Variants in ROBO2 observed in about 807,000 individuals in gnomAD.
The protein encoded by ROBO2 is roundabout guidance receptor 2.
ROBO2 carries 53 observed loss-of-function variants against 160.8 expected under a neutral mutation model. The observed-to-expected ratio is 0.33, with a 90% CI of 0.26 to 0.41. The LOEUF (loss-of-function observed/expected upper bound fraction) is 0.41, where lower values mean the gene tolerates loss of function less well. Among genes scored for constraint, ROBO2 ranks in the 10% least tolerant of loss-of-function variants. The pLI, the probability that ROBO2 is intolerant of heterozygous loss-of-function variation, is 1.00. For synonymous variants in ROBO2, 664 were observed against 611.7 expected, an observed-to-expected ratio of 1.09 and a Z score of -1.26; for missense variants, 1,577 against 1,722.4, an observed-to-expected ratio of 0.92 and a Z score of 1.49.
intron 2 of ROBO2, among the ~76,000 whole-genome samples, chr3:76,285,322 T>A (rs943157139): frequency 6.6e-6 from 1 of 152,120 alleles, no homozygotes; most frequent in African/African-American, 2.4e-5. Flanking sequence ...TAAGCTTAAG[T>A]GCATCAACTC....
intron 2 of ROBO2, among the ~76,000 whole-genome samples, chr3:77,399,767 G>A (rs1310562573): frequency 6.6e-6 from 1 of 152,098 alleles, no homozygotes; most frequent in Non-Finnish European, 1.5e-5. Context: ...TAGCCAGGAA[G>A]CAAGCTATCT....
intron 2 of ROBO2, among the ~76,000 whole-genome samples, chr3:76,042,027 TAA>T (rs36067726): frequency 0.6 from 86,070 of 142,858 alleles, 26,750 homozygotes; most frequent in African/African-American, 0.8. Flanking sequence ...AGAGAGAGGT[TAA>T]AAAAAAAAAA....
chr3:76,408,732 G>C (rs1218080024), intron 2 of ROBO2, among the ~76,000 whole-genome samples: 1 of 152,024 alleles, frequency 6.6e-6, no homozygotes, highest in East Asian at 1.9e-4. Flanking sequence ...GAAAATAAAA[G>C]ATAGATAAAA....
chr3:76,416,154 T>C (rs1036721729), intron 2 of ROBO2, among the ~76,000 whole-genome samples: 1 of 152,052 alleles, frequency 6.6e-6, no homozygotes, highest in Non-Finnish European at 1.5e-5. Flanking sequence ...ACATGTTCTG[T>C]GGTTTTAAAA....
chr3:77,287,948 T>C (rs1471704100), intron 2 of ROBO2, among the ~76,000 whole-genome samples: 1 of 152,194 alleles, frequency 6.6e-6, no homozygotes, highest in Non-Finnish European at 1.5e-5. Flanking sequence ...ATATTATGTA[T>C]AAAATTGGCA....
chr3:76,857,613 G>T (rs1037988196), intron 2 of ROBO2, among the ~76,000 whole-genome samples: 3 of 152,066 alleles, frequency 2.0e-5, no homozygotes, highest in African/African-American at 7.2e-5. Context: ...ACACGTTTTT[G>T]CTGTGATGGT....
chr3:76,207,856 C>T (rs1702906040), intron 2 of ROBO2, among the ~76,000 whole-genome samples: 1 of 152,096 alleles, frequency 6.6e-6, no homozygotes, highest in East Asian at 1.9e-4. Context: ...AGATCTGTGT[C>T]CCCACCCAAA....
At chr3:76,435,414 G>A in intron 2 of ROBO2, 2 of 777,396 alleles carry the variant, frequency 2.6e-6, no homozygotes, top group South Asian at 2.7e-5. Context: ...CACAGTGACA[G>A]AAATTGCTGG....
chr3:76,137,470 A>G (rs2071473578), intron 2 of ROBO2, among the ~76,000 whole-genome samples: 1 of 152,052 alleles, frequency 6.6e-6, no homozygotes, highest in African/African-American at 2.4e-5. Flanking sequence ...GTAATAATTC[A>G]GATGATTCTG....
intron 2 of ROBO2, among the ~76,000 whole-genome samples, chr3:76,322,670 A>G (rs2072665739): frequency 6.6e-6 from 1 of 152,170 alleles, no homozygotes; most frequent in African/African-American, 2.4e-5. Flanking sequence ...AGTTACCGGA[A>G]GTCAGTTTTT....
At chr3:76,976,899 C>T (rs2059841509) in intron 2 of ROBO2, among the ~76,000 whole-genome samples, 1 of 144,612 alleles carries the variant, frequency 6.9e-6, no homozygotes, top group Non-Finnish European at 1.5e-5. Flanking sequence ...CAAAGCCTAA[C>T]AAATTATTAA....
intron 1 of ROBO2, among the ~76,000 whole-genome samples, chr3:75,923,403 C>G (rs1053482497): frequency 9.2e-5 from 14 of 152,172 alleles, no homozygotes; most frequent in African/African-American, 2.7e-4. Context: ...GGCAGACACC[C>G]TACTATTCCC....
chr3:76,798,166 G>GA (rs767202525), intron 2 of ROBO2, among the ~76,000 whole-genome samples: 1 of 127,092 alleles, frequency 7.9e-6, no homozygotes, highest in Non-Finnish European at 1.7e-5. Context: ...AAGAAAGAAA[G>GA]AAAGGGAGAG....
intron 2 of ROBO2, among the ~76,000 whole-genome samples, chr3:77,348,700 A>T (rs1179185489): frequency 1.3e-5 from 2 of 152,154 alleles, no homozygotes; most frequent in Non-Finnish European, 2.9e-5. Context: ...CCTAAAGTCA[A>T]GCAAGCACTA....
At chr3:76,801,177 C>A (rs2064170225) in intron 2 of ROBO2, among the ~76,000 whole-genome samples, 1 of 152,128 alleles carries the variant, frequency 6.6e-6, no homozygotes, top group African/African-American at 2.4e-5. Context: ...CATGTTCTCA[C>A]TTATAACTGT....
At position 77,219,200 on chromosome 3, in the gene ROBO2, C is replaced by T. The variant is rs143655142; in HGVS notation, c.388+120860C>T. 2.6e-4 allele frequency among the ~76,000 whole-genome samples: 40 copies of T among 151,774 alleles called. No individual in the cohort carries two copies. In the East Asian group the frequency reaches 7.6e-3, roughly 29 times the overall value. On this transcript the variant is annotated intron_variant, in intron 2 of 25. Transcript: ENST00000461745. The stretch of plus-strand genomic sequence containing the variant: ...GGCAAGGCTGGTCTCGAACTCAGCA[C>T]CTCAAGTCATCTGCCCGCCTCAGCC...
intron 2 of ROBO2, among the ~76,000 whole-genome samples, chr3:76,633,729 C>T (rs1193023604): frequency 6.6e-6 from 1 of 152,212 alleles, no homozygotes; most frequent in Non-Finnish European, 1.5e-5. Flanking sequence ...CACAACAATT[C>T]TATGACGTAG....
intron 2 of ROBO2, among the ~76,000 whole-genome samples, chr3:76,385,548 T>G (rs1053798150): frequency 1.9e-4 from 29 of 152,172 alleles, no homozygotes; most frequent in Non-Finnish European, 3.5e-4. Context: ...TTGTGTGACT[T>G]GTATGGAAAG....
In ROBO2 at chr3:76,336,173, G is replaced by A. The variant is rs143101875; in HGVS notation, c.109+398571G>A. On this transcript the variant is annotated intron_variant, in intron 2 of 26. Coordinates refer to the ROBO2 transcript ENST00000487694. ...AGTGACCTAAAATCTTGTTCTCATTGACCTGGTTCCAAAATGGTCCATGAT... is the reference window on the plus strand; with the variant it reads ...AGTGACCTAAAATCTTGTTCTCATTAACCTGGTTCCAAAATGGTCCATGAT... Among the ~76,000 whole-genome samples, 1,023 of 152,160 alleles carry A rather than the reference G, an allele frequency of 6.7e-3. 3 individuals are homozygous for A. Among genetic ancestry groups the A allele is most frequent in the Middle Eastern group, 0.01 (3 of 294 alleles).
Sources: allele counts gnomAD v4.1 joint callset (sites outside exome capture counted in the v4.1 genomes callset), GRCh38; gene constraint gnomAD v4.1.1; transcripts MANE v1.5; gene names NCBI Gene and HGNC (gene_info 2026-07-23, HGNC 2026-07-21).